The following TENM1 variants were observed in gnomAD, a reference collection of about 807,000 sequenced individuals.
The protein encoded by TENM1 is teneurin transmembrane protein 1.
TENM1 carries 35 observed loss-of-function variants against 174.8 expected under a neutral mutation model. That is an observed-to-expected ratio of 0.20 (90% CI 0.15 to 0.27). The LOEUF is 0.27. Ranked by LOEUF, TENM1 falls within the 10% of genes least tolerant of loss-of-function variation. TENM1 has a pLI of 1.00. For synonymous variants in TENM1, 781 were observed against 798.7 expected, an observed-to-expected ratio of 0.98 and a Z score of 0.37; for missense variants, 1,633 against 2,130.1, an observed-to-expected ratio of 0.77 and a Z score of 4.59.
the TENM1 span, among the ~76,000 whole-genome samples, chrX:125,124,763 T>C: frequency 5.0e-4 from 56 of 112,659 alleles, no homozygotes; most frequent in African/African-American, 1.7e-3. Context: ...TAAAACATCA[T>C]TTTTATAAAA....
At chrX:124,578,008 G>A (rs375743157) in intron 11 of TENM1, among the ~76,000 whole-genome samples, 19 of 107,051 alleles carry the variant, frequency 1.8e-4, no homozygotes, top group African/African-American at 4.8e-4. Flanking sequence ...TCACGGTGGC[G>A]TTAACCTCTC....
At chrX:125,094,319 A>C in the TENM1 span, among the ~76,000 whole-genome samples, 6 of 112,170 alleles carry the variant, frequency 5.3e-5, no homozygotes, top group East Asian at 1.4e-3. Flanking sequence ...CTCCACCCAA[A>C]GATATTTCAC....
At chrX:124,489,351 T>C (rs2047017464) in intron 20 of TENM1, among the ~76,000 whole-genome samples, 2 of 112,962 alleles carry the variant, frequency 1.8e-5, no homozygotes, top group African/African-American at 6.4e-5. Flanking sequence ...TCTTCTTTTT[T>C]AATTTAAAAG....
intron 20 of TENM1, among the ~76,000 whole-genome samples, chrX:124,494,422 T>G (rs1034269631): frequency 2.8e-4 from 31 of 111,889 alleles, no homozygotes; most frequent in African/African-American, 9.7e-4. Context: ...AAGAAGGCTC[T>G]ACCAGTTTAC....
chrX:124,976,639 T>A, the TENM1 span, among the ~76,000 whole-genome samples: 2 of 111,746 alleles, frequency 1.8e-5, no homozygotes, highest in African/African-American at 6.5e-5. Context: ...ATTCATAGCA[T>A]CCTAAGATCC....
At chrX:124,534,424 T>C (rs1306949887) in intron 15 of TENM1, among the ~76,000 whole-genome samples, 1 of 112,190 alleles carries the variant, frequency 8.9e-6, no homozygotes, top group Non-Finnish European at 1.9e-5. Context: ...CCGATATTCG[T>C]TTAACACCTC....
the TENM1 span, among the ~76,000 whole-genome samples, chrX:125,146,604 C>T: frequency 9.0e-6 from 1 of 111,141 alleles, no homozygotes; most frequent in East Asian, 2.8e-4. Flanking sequence ...ATTAAGGGTA[C>T]ATAAAGTGAA....
At chrX:124,596,891 T>C (rs1328368676) in intron 11 of TENM1, among the ~76,000 whole-genome samples, 5 of 111,128 alleles carry the variant, frequency 4.5e-5, no homozygotes, top group African/African-American at 1.6e-4. Context: ...AAGAAGAGGA[T>C]ATATAAGTGG....
intron 3 of TENM1, among the ~76,000 whole-genome samples, chrX:124,805,972 C>T (rs1353975681): frequency 9.2e-6 from 1 of 108,887 alleles, no homozygotes; most frequent in Non-Finnish European, 1.9e-5. Context: ...CAGTGACTGG[C>T]CATAAAAAAA....
chrX:124,396,261 A>C (rs1300189438), intron 27 of TENM1, among the ~76,000 whole-genome samples: 1 of 106,289 alleles, frequency 9.4e-6, no homozygotes, highest in Admixed American at 1.0e-4. Context: ...ATGTGTGAGA[A>C]GCCTGGCAAA....
chrX:124,797,020 A>G (rs2055320505), intron 3 of TENM1, among the ~76,000 whole-genome samples: 1 of 111,780 alleles, frequency 8.9e-6, no homozygotes, highest in Non-Finnish European at 1.9e-5. Flanking sequence ...TGAAAGAGAT[A>G]TAGTCATTTC....
intron 2 of TENM1, 30 bp from the exon 6 acceptor site, chrX:124,894,382 C>G (rs1469720133): frequency 1.1e-5 from 12 of 1,120,519 alleles, no homozygotes; most frequent in Non-Finnish European, 1.2e-5. Flanking sequence ...ACTAGTTAAG[C>G]CTTGTCCAAG....
At chrX:124,963,446 T>C in intron 1 of TENM1, 91 bp downstream of exon 4, 1 of 810,760 alleles carries the variant, frequency 1.2e-6, no homozygotes, top group Non-Finnish European at 1.8e-6. Flanking sequence ...CCAGTTAACA[T>C]TAGCAAATTT....
intron 11 of TENM1, among the ~76,000 whole-genome samples, chrX:124,590,590 G>A (rs2049710725): frequency 8.9e-6 from 1 of 111,782 alleles, no homozygotes. Flanking sequence ...ATTCCACTGT[G>A]GTCCAAGAGT....
intron 13 of TENM1, among the ~76,000 whole-genome samples, chrX:124,562,896 A>G (rs898689440): frequency 8.9e-6 from 1 of 112,418 alleles, no homozygotes; most frequent in African/African-American, 3.2e-5. Context: ...AAAAAGATTA[A>G]AAAATCTGTA....
intron 4 of TENM1, among the ~76,000 whole-genome samples, chrX:124,736,262 T>G (rs2053668689): frequency 8.9e-6 from 1 of 111,910 alleles, no homozygotes; most frequent in African/African-American, 3.2e-5. Flanking sequence ...AATAATTTCT[T>G]TATTAATTGT....
chrX:124,858,999 C>A (rs907889602), intron 3 of TENM1, among the ~76,000 whole-genome samples: 2 of 111,129 alleles, frequency 1.8e-5, no homozygotes, highest in Non-Finnish European at 1.9e-5. Context: ...AGAAGAAATT[C>A]CTTCCTCTTC....
intron 6 of TENM1, among the ~76,000 whole-genome samples, chrX:124,660,157 G>A (rs1157608232): frequency 9.0e-6 from 1 of 110,673 alleles, no homozygotes; most frequent in Non-Finnish European, 1.9e-5. Flanking sequence ...GGTGGATCAC[G>A]AGGTCAGGAG....
intron 11 of TENM1, among the ~76,000 whole-genome samples, chrX:124,588,491 A>G (rs2049616855): frequency 9.3e-6 from 1 of 107,068 alleles, no homozygotes; most frequent in Non-Finnish European, 1.9e-5. Flanking sequence ...GAATTGAACA[A>G]TGAGAACACA....
Sources: allele counts gnomAD v4.1 joint callset (sites outside exome capture counted in the v4.1 genomes callset), GRCh38; gene constraint gnomAD v4.1.1; transcripts MANE v1.5; gene names NCBI Gene and HGNC (gene_info 2026-07-23, HGNC 2026-07-21).